Variants in PARP10 observed in about 807,000 individuals in gnomAD.
PARP10 encodes poly(ADP-ribose) polymerase family member 10, also known as protein mono-ADP-ribosyltransferase PARP10.
Under a neutral mutation model 82.4 loss-of-function variants are expected in PARP10, and 56 were observed. The ratio of observed to expected loss-of-function variants is 0.68; its 90% CI spans 0.55 to 0.85. The LOEUF (loss-of-function observed/expected upper bound fraction) is 0.85, where lower values mean the gene tolerates loss of function less well. PARP10 is among the 40% of genes least tolerant of loss of function. The pLI, the probability that PARP10 is intolerant of heterozygous loss-of-function variation, is 0.00. For missense variants in PARP10, 1,227 were observed against 1,379.4 expected (o/e 0.89, Z 1.75); for synonymous variants, 576 against 601.1 (o/e 0.96, Z 0.61).
chr8:143,991,256 G>A (rs782333262), upstream of PARP10: 10 of 1,570,170 alleles, frequency 6.4e-6, no homozygotes, highest in South Asian at 9.2e-5. Context: ...TGGTGTCTGG[G>A]GACAACTATC....
At chr8:143,981,478 A>G (rs868920562) in intron 9 of PARP10, among the ~76,000 whole-genome samples, 14 of 76,106 alleles carry the variant, frequency 1.8e-4, no homozygotes, top group Middle Eastern at 6.4e-3. Flanking sequence ...GGTGGTGATG[A>G]TGGTGGTGAC....
rs782620367 is a variant in PARP10, at chr8:143,984,402, CGCCTGGCAGGAA to C, written c.1476_1487del (p.Ser493_Ala496del). 6.2e-7 allele frequency: 1 copy of C among 1,611,350 alleles called. No individual in the cohort carries two copies. The highest frequency in any genetic ancestry group is 1.1e-5 in the South Asian group (1 of 91,044). ...GCAGGCTCCGCAGAAACTCCTCAGC[CGCCTGGCAGGAA>C]GCCTGGGCTCCACAGAGCTGCAGGG... On this transcript the variant is annotated inframe_deletion, in exon 6 of 11. Coordinates refer to ENST00000313028, the MANE Select transcript of PARP10 (RefSeq NM_032789.5).
chr8:143,992,909 G>C, upstream of PARP10: 2 of 1,389,366 alleles, frequency 1.4e-6, no homozygotes, highest in Middle Eastern at 1.8e-4. Context: ...TGGCACGGCA[G>C]TGCCAGCTGT....
In PARP10 at chr8:143,977,411, T is replaced by TG; in HGVS notation, c.*72dup. Reference sequence around the variant, plus strand: ...CGGGGACAGCTCAGGCGGCCACAGTTGGGGGCGGGGAGCATCAGCCTGTGC... The same window carrying TG: ...CGGGGACAGCTCAGGCGGCCACAGTTGGGGGGCGGGGAGCATCAGCCTGTGC... On this transcript the variant is annotated 3_prime_UTR_variant, in exon 11 of 11. Coordinates refer to ENST00000313028, the MANE Select transcript of PARP10 (RefSeq NM_032789.5). 7.4e-7 allele frequency: 1 copy of TG among 1,346,660 alleles called. No homozygotes were observed. Among genetic ancestry groups the TG allele is most frequent in the Non-Finnish European group, 1.0e-6 (1 of 1,004,888 alleles). 83.4% of individuals were successfully genotyped at this position (1,346,660 alleles called of 1,614,324 possible). A position where few individuals can be genotyped will look rare whatever the true frequency, so the allele number is the denominator to read the frequency against.
At chr8:144,009,933 T>G (rs1834262469) in intron 1 of PARP10, among the ~76,000 whole-genome samples, 1 of 152,210 alleles carries the variant, frequency 6.6e-6, no homozygotes. Flanking sequence ...CTTGGAGGAC[T>G]GCAGTGGCCT....
At chr8:143,980,202 C>G (rs1833815238) in intron 9 of PARP10, among the ~76,000 whole-genome samples, 1 of 150,922 alleles carries the variant, frequency 6.6e-6, no homozygotes, top group Admixed American at 6.6e-5. Context: ...CGCCTGTAGT[C>G]CCAGCTACTC....
intron 7 of PARP10, 65 bp from the exon 8 acceptor site, chr8:143,983,876 A>G: frequency 1.3e-6 from 2 of 1,519,718 alleles, no homozygotes; most frequent in Non-Finnish European, 1.8e-6. Context: ...TGGATGAAAG[A>G]TGGGGAGCAA....
In PARP10 at chr8:143,977,955, G is replaced by A; in HGVS notation, c.2683C>T (p.Pro895Ser). 4 of 1,600,322 alleles carry A rather than the reference G, an allele frequency of 2.5e-6. No homozygotes were observed. The highest frequency in any genetic ancestry group is 2.5e-6 in the Non-Finnish European group (3 of 1,179,368). Residue 895 changes from proline (P) to serine (S), a missense_variant, in exon 10 of 11, where the codon CCT (proline) becomes TCT (serine). Physicochemically the swap from Pro to Ser is moderately conservative, Grantham distance 74 (BLOSUM62 -1). Coordinates refer to ENST00000313028, the MANE Select transcript of PARP10 (RefSeq NM_032789.5). ...TTGAAGCCGTGGGCGCAGATGTCAG[G>A]CACTGCCGGTGCCGTCGTGCCGTGG... Reference protein sequence around the residue: ...LYHGTTAPAVPDICAHGFNRS... With the variant: ...LYHGTTAPAVSDICAHGFNRS...
At chr8:143,994,444 T>C (rs1554751093), upstream of PARP10, among the ~76,000 whole-genome samples, 1 of 152,092 alleles carries the variant, frequency 6.6e-6, no homozygotes, top group African/African-American at 2.4e-5. Flanking sequence ...TCCGTTGCAC[T>C]ACCCGCCTGC....
upstream of PARP10, chr8:143,991,176 C>G (rs373754213): frequency 2.8e-6 from 4 of 1,423,274 alleles, no homozygotes; most frequent in Non-Finnish European, 3.8e-6. Flanking sequence ...AACTGTTCCA[C>G]TGTTCCTTGT....
Position 143,983,044 on chromosome 8 carries a change from C to T in PARP10, c.2444G>A (p.Gly815Glu). The change falls in exon 9 of 11, where the codon GGG becomes GAG. Residue 815 changes from glycine to glutamate, a missense_variant. By Grantham distance (98) the Gly-to-Glu change is moderately conservative (BLOSUM62 -2). Transcript: ENST00000313028. ...GPTLAGQTLK[G>E]PWNNLERLAE... is the part of the protein sequence containing the mutation. ...CAGACGCTCCAGGTTGTTCCAGGGC[C>T]CCTTCAGCGTCTGCCCCGCCACTGA... 2.5e-6 allele frequency: 4 copies of T among 1,613,876 alleles called. No homozygotes were observed. The highest frequency in any genetic ancestry group is 3.4e-6 in the Non-Finnish European group (4 of 1,180,002).
intron 1 of PARP10, among the ~76,000 whole-genome samples, chr8:144,007,205 C>T (rs1834242145): frequency 6.6e-6 from 1 of 152,168 alleles, no homozygotes; most frequent in Non-Finnish European, 1.5e-5. Context: ...GGGTTGATGA[C>T]CAAGTTCATA....
At chr8:143,997,579 T>C (rs1488728116) in intron 1 of PARP10, among the ~76,000 whole-genome samples, 3 of 152,186 alleles carry the variant, frequency 2.0e-5, no homozygotes, top group African/African-American at 7.2e-5. Context: ...AGGGATCTTT[T>C]TGATGAACAA....
chr8:143,991,256 G>C (rs782333262), upstream of PARP10: 1 of 1,570,172 alleles, frequency 6.4e-7, no homozygotes, highest in Admixed American at 1.8e-5. Flanking sequence ...TGGTGTCTGG[G>C]GACAACTATC....
upstream of PARP10, chr8:143,992,442 G>GCC: frequency 1.2e-6 from 2 of 1,613,910 alleles, no homozygotes; most frequent in Non-Finnish European, 1.7e-6. Flanking sequence ...CAGCCCCATG[G>GCC]CCCGTTCCTC....
In PARP10 at chr8:144,008,200, G is replaced by A. The variant is rs1564262533; in HGVS notation, c.-80+4330C>T. ...ACATGTGGCGGATAGCTGCTTCCCA[G>A]GAGGTGCCTCTCAGCGCACCCAGCA... On this transcript the variant is annotated intron_variant, in intron 1 of 3. Transcript: ENST00000530478. This position sits in a 1 kb window ranked among gnomAD's most constrained non-coding sequence, Gnocchi z 4.0. 1.3e-5 allele frequency among the ~76,000 whole-genome samples: 2 copies of A among 152,304 alleles called. No homozygotes were observed. Among genetic ancestry groups the A allele is most frequent in the Admixed American group, 6.5e-5 (1 of 15,294 alleles).
At chr8:143,991,114 C>G, upstream of PARP10, 2 of 702,540 alleles carry the variant, frequency 2.8e-6, no homozygotes, top group Non-Finnish European at 4.7e-6. Context: ...CCCTGGGTTC[C>G]CAGAAGCAGG....
rs1352608021 is a variant in PARP10 at position 143,986,062 on chromosome 8, C to T, written c.174G>A (p.Glu58=). Residue 58 remains glutamate (E), a synonymous_variant, in exon 2 of 11, where the codon GAG becomes GAA. Transcript: ENST00000313028. ...LGCGGVLTFR[E]PADAERVLAQ... Reference sequence around the variant, plus strand: ...TTCAGCCAGCCCTCTCACCTGCAGGCTCTCTGAAGGTGAGGACGCCCCCAC... The same window carrying T: ...TTCAGCCAGCCCTCTCACCTGCAGGTTCTCTGAAGGTGAGGACGCCCCCAC... The T allele has an allele frequency of 4.3e-6, 7 of 1,613,742 alleles. No homozygotes were observed. In the Middle Eastern group the frequency reaches 6.6e-4, roughly 152 times the overall value.
chr8:143,988,301 C>T (rs1291491457), upstream of PARP10, among the ~76,000 whole-genome samples: 1 of 134,700 alleles, frequency 7.4e-6, no homozygotes, highest in Non-Finnish European at 1.6e-5. Context: ...AGGCACGCAC[C>T]ACCATGCCCA....
Sources: allele counts gnomAD v4.1 joint callset (sites outside exome capture counted in the v4.1 genomes callset), GRCh38; gene constraint gnomAD v4.1.1; non-coding constraint Gnocchi (gnomAD v3.1); transcripts MANE v1.5; gene names NCBI Gene and HGNC (gene_info 2026-07-23, HGNC 2026-07-21).